Variants in KAZN observed in about 807,000 individuals in gnomAD.
KAZN encodes the protein kazrin, periplakin interacting protein, also known as kazrin.
Under a neutral mutation model 87.4 loss-of-function variants are expected in KAZN, and 40 were observed. The observed-to-expected ratio is 0.46, with a 90% CI of 0.36 to 0.60. The LOEUF (loss-of-function observed/expected upper bound fraction) is 0.60, where lower values mean the gene tolerates loss of function less well. KAZN is among the 20% of genes least tolerant of loss of function. The pLI, the probability that KAZN is intolerant of heterozygous loss-of-function variation, is 0.00. For missense variants in KAZN, 898 were observed against 1,073.9 expected (o/e 0.84, Z 2.29); for synonymous variants, 466 against 458.3 (o/e 1.02, Z -0.22).
At chr1:14,914,300 C>T (rs1657567016) in intron 1 of KAZN, among the ~76,000 whole-genome samples, 1 of 152,204 alleles carries the variant, frequency 6.6e-6, no homozygotes, top group South Asian at 2.1e-4. Context: ...TGCTGTACCC[C>T]CCTGGGCAAG....
chr1:14,719,274 C>A (rs986959899), intron 1 of KAZN, among the ~76,000 whole-genome samples: 10 of 152,188 alleles, frequency 6.6e-5, no homozygotes, highest in East Asian at 3.8e-4. Flanking sequence ...ATAGTCAACA[C>A]ATTTACGCTG....
At chr1:14,081,746 C>T (rs1392704600) in intron 1 of KAZN, among the ~76,000 whole-genome samples, 1 of 151,752 alleles carries the variant, frequency 6.6e-6, no homozygotes, top group African/African-American at 2.4e-5. Context: ...GTCCCTTTTG[C>T]TTTGTTTTGT....
intron 1 of KAZN, among the ~76,000 whole-genome samples, chr1:14,673,891 A>C (rs1387213612): frequency 1.3e-5 from 2 of 152,224 alleles, no homozygotes; most frequent in African/African-American, 4.8e-5. Flanking sequence ...CAAAGTCCTC[A>C]GTCCTCCTTT....
chr1:15,031,987 T>A (rs180735355), intron 2 of KAZN, among the ~76,000 whole-genome samples: 2 of 152,208 alleles, frequency 1.3e-5, no homozygotes, highest in Admixed American at 1.3e-4. Context: ...AAGTGTCCAA[T>A]TCAGTGGTTT....
chr1:14,284,294 A>G (rs1365486979), intron 2 of KAZN, among the ~76,000 whole-genome samples: 1 of 152,214 alleles, frequency 6.6e-6, no homozygotes, highest in Non-Finnish European at 1.5e-5. Context: ...ATATCTCAAT[A>G]AAGTTGTTAT....
intron 1 of KAZN, among the ~76,000 whole-genome samples, chr1:14,139,714 G>A (rs914815336): frequency 2.6e-4 from 40 of 152,202 alleles, no homozygotes; most frequent in African/African-American, 8.9e-4. Flanking sequence ...TGGGCTGCAG[G>A]GCCGTAGAGG....
chr1:14,648,006 G>A (rs1680936810), intron 1 of KAZN, among the ~76,000 whole-genome samples: 1 of 152,080 alleles, frequency 6.6e-6, no homozygotes, highest in Non-Finnish European at 1.5e-5. Flanking sequence ...CCAAGGTCAG[G>A]GTCATTCCCT....
intron 1 of KAZN, among the ~76,000 whole-genome samples, chr1:14,957,739 C>CG (rs1663312663): frequency 6.6e-6 from 1 of 152,198 alleles, no homozygotes; most frequent in Admixed American, 6.5e-5. Context: ...TGTGGCGAGT[C>CG]TAGCGCCTTC....
intron 1 of KAZN, among the ~76,000 whole-genome samples, chr1:14,604,118 G>C (rs1274015143): frequency 6.6e-6 from 1 of 152,128 alleles, no homozygotes; most frequent in Non-Finnish European, 1.5e-5. Flanking sequence ...CAGAGAATGG[G>C]TTTTTAAGTG....
intron 2 of KAZN, among the ~76,000 whole-genome samples, chr1:14,441,646 G>T (rs997989333): frequency 1.3e-5 from 2 of 152,134 alleles, no homozygotes; most frequent in African/African-American, 4.8e-5. Flanking sequence ...TGTCTCAGAG[G>T]ATTAAAATTT....
intron 2 of KAZN, among the ~76,000 whole-genome samples, chr1:14,533,707 A>C (rs1271336564): frequency 6.6e-6 from 1 of 151,912 alleles, no homozygotes; most frequent in African/African-American, 2.4e-5. Flanking sequence ...TGTCCTTCAC[A>C]ATTTTGCTCA....
At chr1:14,833,752 G>A (rs763494542) in intron 1 of KAZN, among the ~76,000 whole-genome samples, 31 of 152,022 alleles carry the variant, frequency 2.0e-4, no homozygotes, top group Non-Finnish European at 3.8e-4. Flanking sequence ...CTTGTTCCTC[G>A]TCCCGGAACC....
At chr1:14,263,273 G>A (rs1651220316) in intron 2 of KAZN, among the ~76,000 whole-genome samples, 1 of 152,168 alleles carries the variant, frequency 6.6e-6, no homozygotes, top group Non-Finnish European at 1.5e-5. Flanking sequence ...TAATACAAAT[G>A]TCAGCTAATT....
intron 1 of KAZN, among the ~76,000 whole-genome samples, chr1:13,987,094 TC>T (rs1639054665): frequency 6.6e-6 from 1 of 152,244 alleles, no homozygotes; most frequent in African/African-American, 2.4e-5. Flanking sequence ...ACAGAAGGGT[TC>T]CTGGGTGCTC....
At chr1:14,065,405 A>G (rs1235616356) in intron 1 of KAZN, among the ~76,000 whole-genome samples, 3 of 152,210 alleles carry the variant, frequency 2.0e-5, no homozygotes, top group African/African-American at 7.2e-5. Flanking sequence ...AGGGTAAAAG[A>G]GGCTAATGCA....
At chr1:14,225,476 A>G (rs527708502) in intron 2 of KAZN, among the ~76,000 whole-genome samples, 50 of 152,334 alleles carry the variant, frequency 3.3e-4, no homozygotes, top group Admixed American at 1.2e-3. Flanking sequence ...TACAGATTCA[A>G]TGCTATCCTT....
chr1:14,372,232 G>A (rs113855794), intron 2 of KAZN, among the ~76,000 whole-genome samples: 2,112 of 152,318 alleles, frequency 0.014, 25 homozygotes, highest in Middle Eastern at 0.041. Flanking sequence ...TATAGCTATA[G>A]TGTGGTTGAA....
intron 2 of KAZN, among the ~76,000 whole-genome samples, chr1:14,578,882 T>C (rs971754879): frequency 6.6e-6 from 1 of 152,226 alleles, no homozygotes; most frequent in Admixed American, 6.5e-5. Flanking sequence ...CCTTTGGAGA[T>C]AGGCAGATGA....
intron 2 of KAZN, among the ~76,000 whole-genome samples, chr1:14,517,603 C>G (rs1671365132): frequency 6.6e-6 from 1 of 152,232 alleles, no homozygotes; most frequent in Non-Finnish European, 1.5e-5. Flanking sequence ...CAGTCCTGCA[C>G]AGACAACAAG....
Sources: gnomAD v4.1 joint callset for allele counts (sites outside exome capture counted in the v4.1 genomes callset) on GRCh38, gnomAD v4.1.1 for gene constraint, MANE v1.5 for transcripts, NCBI Gene and HGNC (gene_info 2026-07-23, HGNC 2026-07-21) for gene names.